DHRS3: variants seen among roughly 807,000 people sequenced by gnomAD.
The protein encoded by DHRS3 is short-chain dehydrogenase/reductase 3.
In DHRS3, 14 loss-of-function variants were observed where a neutral mutation model predicts 27.2. The ratio of observed to expected loss-of-function variants is 0.52; its 90% CI spans 0.34 to 0.81. DHRS3 has a LOEUF of 0.81. DHRS3 is among the 30% of genes least tolerant of loss of function. The pLI is 0.01. For missense variants in DHRS3, 322 were observed against 406.2 expected, an observed-to-expected ratio of 0.79 and a Z score of 1.78; for synonymous variants, 165 against 175.9, an observed-to-expected ratio of 0.94 and a Z score of 0.49.
chr1:12,603,207 C>T (rs1646847285), intron 1 of DHRS3, among the ~76,000 whole-genome samples: 1 of 152,108 alleles, frequency 6.6e-6, no homozygotes, highest in Non-Finnish European at 1.5e-5. Flanking sequence ...CCCAAGCGAA[C>T]TAGAGGGCAT....
Position 12,579,334 on chromosome 1 carries a change from G to A in DHRS3, c.418C>T (p.Leu140Phe), listed in dbSNP as rs1317560208. The change falls in exon 3 of 6, where the codon CTC (leucine) becomes TTC (phenylalanine). Residue 140 changes from leucine (L) to phenylalanine (F), a missense_variant. Transcript: ENST00000616661. ...KSLMDSDDDA[L>F]LKSQHINTLG... ...GTGTTGATGTGTTGGGACTTGAGGA[G>A]GGCATCATCATCACTGTCCATTAGG... 6.2e-7 allele frequency: 1 copy of A among 1,614,188 alleles called. No homozygotes were observed. The highest frequency in any genetic ancestry group is 1.7e-5 in the Admixed American group (1 of 60,028).
intron 1 of DHRS3, among the ~76,000 whole-genome samples, chr1:12,609,387 C>CGGAGG (rs1362133194): frequency 1.3e-5 from 2 of 152,176 alleles, no homozygotes; most frequent in African/African-American, 4.8e-5. Context: ...GCAGGGCTGC[C>CGGAGG]CAGCAGAGCC....
intron 3 of DHRS3, 34 bp downstream of exon 3, chr1:12,579,259 C>A: frequency 1.2e-6 from 2 of 1,614,008 alleles, no homozygotes; most frequent in Non-Finnish European, 1.7e-6. Context: ...TCCCTGCACG[C>A]CCGGGGCTGG....
At chr1:12,577,456 A>T (rs1001222757) in intron 4 of DHRS3, among the ~76,000 whole-genome samples, 2 of 152,220 alleles carry the variant, frequency 1.3e-5, no homozygotes, top group African/African-American at 4.8e-5. Flanking sequence ...CATGAGCTCT[A>T]GACCAGTGGT....
At chr1:12,611,804 A>T (rs10864574) in intron 1 of DHRS3, among the ~76,000 whole-genome samples, 4 of 151,500 alleles carry the variant, frequency 2.6e-5, no homozygotes, top group Admixed American at 6.6e-5. Context: ...TCAAGAACCC[A>T]GTCTTGGCTG....
In DHRS3 at chr1:12,613,072, A is replaced by G. The variant is rs558495158; in HGVS notation, c.195+4082T>C. 2.0e-5 allele frequency among the ~76,000 whole-genome samples: 3 copies of G among 152,208 alleles called. No homozygotes were observed. The South Asian group carries it at 6.2e-4, about 32-fold the overall frequency. Reference sequence around the variant, plus strand: ...CAAAACTCTGTTTCAAAAAAAAAAAAAGGAGATGACGGGACGTAGACACAC... The same window carrying G: ...CAAAACTCTGTTTCAAAAAAAAAAAGAGGAGATGACGGGACGTAGACACAC... On this transcript the variant is annotated intron_variant, in intron 1 of 5. Coordinates refer to ENST00000616661, the MANE Select transcript of DHRS3 (RefSeq NM_004753.7).
chr1:12,578,945 G>C lies in DHRS3; in HGVS notation c.471C>G (p.Ala157=). The part of the protein sequence containing the change: ...NTLGQFWTTK[A]FLPRMLELQN... ...GCAGCTCCAGCATACGCGGCAGGAA[G>C]GCCTTGGTGGTCTGAGGGCAGATGG... The change falls in exon 4 of 6, where the codon GCC becomes GCG. Residue 157 remains alanine, a synonymous_variant. Coordinates refer to ENST00000616661, the MANE Select transcript of DHRS3 (RefSeq NM_004753.7). The surrounding 1 kb of genome is among the most constrained non-coding windows in gnomAD (Gnocchi z 4.5). 6.2e-7 allele frequency: 1 copy of C among 1,612,510 alleles called. No homozygotes were observed.
At chr1:12,579,140 G>T in intron 3 of DHRS3, 153 bp downstream of exon 3, 1 of 1,382,182 alleles carries the variant, frequency 7.2e-7, no homozygotes, top group Non-Finnish European at 1.0e-6. Context: ...AGTCTGATGT[G>T]TCCTAGAGCT....
chr1:12,591,443 C>A lies in DHRS3; in HGVS notation c.196-10777G>T, dbSNP rs1255828930. Reference sequence around the variant, plus strand: ...GCTGTTGGGGAGGATTGTGATGAAGCTCCTCAAATTAGATCAGCCAGTGGT... The same window carrying A: ...GCTGTTGGGGAGGATTGTGATGAAGATCCTCAAATTAGATCAGCCAGTGGT... On this transcript the variant is annotated intron_variant, in intron 1 of 5. Coordinates refer to ENST00000616661, the MANE Select transcript of DHRS3 (RefSeq NM_004753.7). This position sits in a 1 kb window ranked among gnomAD's most constrained non-coding sequence, Gnocchi z 4.1. Among the ~76,000 whole-genome samples the A allele has an allele frequency of 6.6e-6, 1 of 152,244 alleles. No individual in the cohort carries two copies. Among genetic ancestry groups the A allele is most frequent in the East Asian group, 1.9e-4 (1 of 5,200 alleles).
chr1:12,616,600 T>A (rs780283423), intron 1 of DHRS3: 69 of 986,346 alleles, frequency 7.0e-5, no homozygotes, highest in Non-Finnish European at 8.1e-5. Context: ...CCTGGGCCTC[T>A]CAGTGTCGGT....
chr1:12,571,334 C>T (rs1254223427), intron 5 of DHRS3, among the ~76,000 whole-genome samples: 1 of 152,152 alleles, frequency 6.6e-6, no homozygotes, highest in Admixed American at 6.5e-5. Flanking sequence ...TGCCCTGCTA[C>T]ATCCCACCCG....
chr1:12,568,462 G>C, intron 5 of DHRS3, 38 bp from the exon 6 acceptor site: 1 of 1,600,970 alleles, frequency 6.2e-7, no homozygotes, highest in Non-Finnish European at 8.6e-7. Flanking sequence ...GCGATGGTTA[G>C]TGGGGCAGGA....
chr1:12,617,376 G>T lies in DHRS3; in HGVS notation c.-28C>A, dbSNP rs1198795167. 5 of 1,589,948 alleles carry T rather than the reference G, an allele frequency of 3.1e-6. No individual in the cohort carries two copies. Reference sequence around the variant, plus strand: ...TCCGCGCCGCGGAGCCGGGCAGGGGGCGAAACTCCCCGGGCCGAGCAATAC... The same window carrying T: ...TCCGCGCCGCGGAGCCGGGCAGGGGTCGAAACTCCCCGGGCCGAGCAATAC... On this transcript the variant is annotated 5_prime_UTR_variant, in exon 1 of 6. Transcript: ENST00000616661.
intron 1 of DHRS3, 105 bp downstream of exon 1, chr1:12,617,049 G>A (rs1646949128): frequency 7.6e-7 from 1 of 1,313,214 alleles, no homozygotes; most frequent in South Asian, 1.4e-5. Flanking sequence ...GAAGTGGGGT[G>A]GCCGGCGACT....
At chr1:12,570,793 G>C (rs1276286526) in intron 5 of DHRS3, among the ~76,000 whole-genome samples, 1 of 152,212 alleles carries the variant, frequency 6.6e-6, no homozygotes, top group Admixed American at 6.5e-5. Flanking sequence ...GAGCATCTCA[G>C]ACCCGAGGTC....
intron 1 of DHRS3, among the ~76,000 whole-genome samples, chr1:12,600,006 T>G (rs1259478208): frequency 6.6e-6 from 1 of 152,186 alleles, no homozygotes; most frequent in Non-Finnish European, 1.5e-5. Context: ...CCCCCGTCTG[T>G]GCTTGCAGCT....
chr1:12,569,232 C>CTCACACACACAA (rs1646513817), intron 5 of DHRS3, among the ~76,000 whole-genome samples: 2 of 72,802 alleles, frequency 2.7e-5, no homozygotes, highest in Non-Finnish European at 6.6e-5. Flanking sequence ...CTCTCTCTCT[C>CTCACACACACAA]ACACACACAC....
chr1:12,601,757 G>GTAAA (rs559310635), intron 1 of DHRS3, among the ~76,000 whole-genome samples: 130 of 152,292 alleles, frequency 8.5e-4, no homozygotes, highest in African/African-American at 3.0e-3. Flanking sequence ...ATCCTGCTGG[G>GTAAA]TCATTTACTA....
intron 1 of DHRS3, among the ~76,000 whole-genome samples, chr1:12,587,699 C>A (rs1646709557): frequency 6.6e-6 from 1 of 151,030 alleles, no homozygotes; most frequent in South Asian, 2.1e-4. Flanking sequence ...AGAGAGAGAG[C>A]CGGTCTCAAA....
Sources: allele counts gnomAD v4.1 joint callset (sites outside exome capture counted in the v4.1 genomes callset), GRCh38; gene constraint gnomAD v4.1.1; non-coding constraint Gnocchi (gnomAD v3.1); transcripts MANE v1.5; gene names NCBI Gene and HGNC (gene_info 2026-07-23, HGNC 2026-07-21).